RELN: variants seen among roughly 807,000 people sequenced by gnomAD.
The protein encoded by RELN is reelin.
A neutral mutation model predicts 427.6 loss-of-function variants in RELN; 108 were observed. The observed-to-expected ratio is 0.25, with a 90% CI of 0.22 to 0.30. The LOEUF is 0.30. Ranked by LOEUF, RELN falls within the 10% of genes least tolerant of loss-of-function variation. The pLI is 1.00. For synonymous variants in RELN, 1,524 were observed against 1,513.4 expected, an observed-to-expected ratio of 1.01 and a Z score of -0.16; for missense variants, 3,715 against 4,302.8, an observed-to-expected ratio of 0.86 and a Z score of 3.82.
intron 12 of RELN, among the ~76,000 whole-genome samples, chr7:103,659,703 G>C (rs1833096727): frequency 6.6e-6 from 1 of 152,118 alleles, no homozygotes; most frequent in African/African-American, 2.4e-5. Flanking sequence ...CTTATAGTCA[G>C]ATGGTACTTG....
intron 1 of RELN, among the ~76,000 whole-genome samples, chr7:103,973,483 T>C (rs180974189): frequency 6.6e-6 from 1 of 152,210 alleles, no homozygotes; most frequent in African/African-American, 2.4e-5. Context: ...TGTATCTGTT[T>C]TCATAAATAT....
At chr7:103,576,730 A>T (rs553729113) in intron 28 of RELN, among the ~76,000 whole-genome samples, 1 of 152,158 alleles carries the variant, frequency 6.6e-6, no homozygotes, top group East Asian at 1.9e-4. Flanking sequence ...TTTCCTCTTC[A>T]TCTCTCATCT....
At chr7:103,658,445 T>C (rs1303119437) in intron 12 of RELN, among the ~76,000 whole-genome samples, 2 of 152,096 alleles carry the variant, frequency 1.3e-5, no homozygotes, top group East Asian at 3.9e-4. Flanking sequence ...AGTTTTAAAG[T>C]GTTTTCTATA....
At chr7:103,747,384 G>A (rs934855507) in intron 6 of RELN, among the ~76,000 whole-genome samples, 5 of 151,562 alleles carry the variant, frequency 3.3e-5, no homozygotes, top group African/African-American at 1.2e-4. Flanking sequence ...TGCACGTTGT[G>A]CACATGTACC....
intron 1 of RELN, among the ~76,000 whole-genome samples, chr7:103,941,986 A>G (rs542414891): frequency 6.6e-6 from 1 of 151,462 alleles, no homozygotes; most frequent in East Asian, 1.9e-4. Flanking sequence ...AATTACTAAT[A>G]TATTAAGTAT....
intron 52 of RELN, 108 bp downstream of exon 52, chr7:103,502,908 A>C (rs1829083604): frequency 1.1e-6 from 1 of 929,516 alleles, no homozygotes. Flanking sequence ...AGGGAGAAAG[A>C]AAGCACTTTA....
intron 2 of RELN, among the ~76,000 whole-genome samples, chr7:103,876,061 G>A (rs1164402600): frequency 6.6e-6 from 1 of 152,082 alleles, no homozygotes; most frequent in African/African-American, 2.4e-5. Context: ...TTGTTGCAGG[G>A]TGGAAATTTC....
chr7:103,604,078 A>G (rs1343065903), intron 23 of RELN, among the ~76,000 whole-genome samples: 2 of 152,154 alleles, frequency 1.3e-5, no homozygotes, highest in African/African-American at 4.8e-5. Context: ...AAACAATGGC[A>G]AGGCTCTTTT....
At chr7:103,893,891 A>T (rs986235924) in intron 2 of RELN, among the ~76,000 whole-genome samples, 1 of 152,188 alleles carries the variant, frequency 6.6e-6, no homozygotes, top group African/African-American at 2.4e-5. Context: ...ATTCCCCATC[A>T]TAAGAGCAGA....
intron 8 of RELN, 93 bp downstream of exon 8, chr7:103,723,047 C>T (rs113074976): frequency 1.7e-5 from 13 of 777,304 alleles, no homozygotes; most frequent in African/African-American, 1.0e-4. Context: ...TTCTGTAAAT[C>T]CAAAAGCATC....
intron 28 of RELN, among the ~76,000 whole-genome samples, chr7:103,583,873 A>G (rs1231500411): frequency 6.6e-6 from 1 of 152,192 alleles, no homozygotes; most frequent in Non-Finnish European, 1.5e-5. Context: ...TGACACTAGC[A>G]TGGGTGGTGA....
chr7:103,556,940 A>G, intron 38 of RELN, 37 bp downstream of exon 38: 2 of 1,518,448 alleles, frequency 1.3e-6, no homozygotes, highest in Non-Finnish European at 9.2e-7. Flanking sequence ...ACATGCCACT[A>G]TCAGTTCTGA....
chr7:103,524,416 A>G (rs1829779977), intron 46 of RELN, among the ~76,000 whole-genome samples: 1 of 152,186 alleles, frequency 6.6e-6, no homozygotes, highest in Non-Finnish European at 1.5e-5. Context: ...AAGCTAAAAC[A>G]GAGGTTCTCC....
In RELN at chr7:103,940,177, G is replaced by T. The variant is rs143005640; in HGVS notation, c.227-22992C>A. On this transcript the variant is annotated intron_variant, in intron 1 of 64. Transcript: ENST00000428762. ...CGGTAATTTACTGGGGTTGGAGGAA[G>T]GCTCATCTGGAAAGCAAAAGCGCTC... Among the ~76,000 whole-genome samples, 6 of 152,274 alleles carry T rather than the reference G, an allele frequency of 3.9e-5. 1 individual carries two copies. The East Asian group carries it at 1.2e-3, about 29-fold the overall frequency.
At chr7:103,757,060 G>A (rs114746451) in intron 4 of RELN, among the ~76,000 whole-genome samples, 2,553 of 152,078 alleles carry the variant, frequency 0.017, 61 homozygotes, top group African/African-American at 0.05. Flanking sequence ...AATGCACCAC[G>A]GAAAAATTAA....
chr7:103,487,841 C>G lies in RELN; in HGVS notation c.9764-1425G>C, dbSNP rs148838905. ...CCAGCACCTAAAACAATATTTAGCA[C>G]ATATAAGATATTCAGTAATGGGTGG... On this transcript the variant is annotated intron_variant, in intron 60 of 64. Transcript: ENST00000428762. Among the ~76,000 whole-genome samples the G allele has an allele frequency of 1.4e-3, 219 of 152,246 alleles. 1 individual carries two copies. The highest frequency in any genetic ancestry group is 5.1e-3 in the African/African-American group (210 of 41,554).
Position 103,596,478 on chromosome 7 carries a change from A to G in RELN, c.3517T>C (p.Phe1173Leu), listed in dbSNP as rs1478740464. Residue 1173 changes from phenylalanine (F) to leucine (L), a missense_variant, in exon 25 of 65, where the codon TTT becomes CTT. Transcript: ENST00000428762. Reference protein sequence around the residue: ...IQWHLLAEMYFSDFSKPRFVY... With the variant: ...IQWHLLAEMYLSDFSKPRFVY... The stretch of plus-strand genomic sequence containing the variant: ...TACCTGGGTTTGCTGAAGTCTGAAA[A>G]GTACATCTCTGCTAGCAGGTGCCAC... 1 of 1,613,788 alleles carries G rather than the reference A, an allele frequency of 6.2e-7. No individual in the cohort carries two copies. The highest frequency in any genetic ancestry group is 1.3e-5 in the African/African-American group (1 of 74,892).
At chr7:103,695,578 T>G (rs575559287) in intron 10 of RELN, among the ~76,000 whole-genome samples, 2 of 152,068 alleles carry the variant, frequency 1.3e-5, no homozygotes, top group African/African-American at 4.8e-5. Flanking sequence ...ACAAAGTACA[T>G]GCAATGAGAA....
At chr7:103,725,295 A>G (rs970764419) in intron 7 of RELN, among the ~76,000 whole-genome samples, 1 of 152,212 alleles carries the variant, frequency 6.6e-6, no homozygotes, top group South Asian at 2.1e-4. Flanking sequence ...GCTCATGCCT[A>G]TAATCCCAGC....
Sources: allele counts gnomAD v4.1 joint callset (sites outside exome capture counted in the v4.1 genomes callset), GRCh38; gene constraint gnomAD v4.1.1; transcripts MANE v1.5; gene names NCBI Gene and HGNC (gene_info 2026-07-23, HGNC 2026-07-21).